Variants in SATB2 observed in about 807,000 individuals in gnomAD.
The protein encoded by SATB2 is SATB homeobox 2, also known as DNA-binding protein SATB2.
In SATB2, 1 loss-of-function variant was observed where a neutral mutation model predicts 73.4. The observed-to-expected ratio is 0.01, with a 90% CI of 0.00 to 0.06. SATB2 has a LOEUF of 0.06. SATB2 is among the 10% of genes least tolerant of loss of function. SATB2 has a pLI of 1.00. For missense variants in SATB2, 459 were observed against 945.8 expected, an observed-to-expected ratio of 0.49 and a Z score of 6.75; for synonymous variants, 397 against 367.0, an observed-to-expected ratio of 1.08 and a Z score of -0.93.
intron 10 of SATB2, among the ~76,000 whole-genome samples, chr2:199,300,970 A>T (rs779243509): frequency 6.6e-6 from 1 of 151,974 alleles, no homozygotes; most frequent in Non-Finnish European, 1.5e-5. Flanking sequence ...GCTTGGCAAA[A>T]ATATTAGAAC....
At chr2:199,452,975 CCT>C (rs1271605646) in intron 2 of SATB2, among the ~76,000 whole-genome samples, 2 of 152,060 alleles carry the variant, frequency 1.3e-5, no homozygotes, top group Non-Finnish European at 1.5e-5. Flanking sequence ...TTTTAAGTCC[CCT>C]GTTAAAACAC....
At chr2:199,411,468 T>G (rs572173003) in intron 3 of SATB2, among the ~76,000 whole-genome samples, 2 of 152,238 alleles carry the variant, frequency 1.3e-5, no homozygotes, top group Admixed American at 6.5e-5. Context: ...TATGAATACC[T>G]ACCATGTTCT....
intron 3 of SATB2, among the ~76,000 whole-genome samples, chr2:199,412,735 A>G (rs556004528): frequency 6.6e-6 from 1 of 152,294 alleles, no homozygotes; most frequent in South Asian, 2.1e-4. Context: ...AAAAAAACAA[A>G]AAACAAAAAA....
At chr2:199,409,413 T>C (rs1302195441) in intron 3 of SATB2, among the ~76,000 whole-genome samples, 1 of 152,074 alleles carries the variant, frequency 6.6e-6, no homozygotes. Flanking sequence ...CAGGTGATCC[T>C]CCCGCCTTGG....
At chr2:199,316,314 A>G (rs1407055874) in intron 9 of SATB2, among the ~76,000 whole-genome samples, 3 of 152,086 alleles carry the variant, frequency 2.0e-5, no homozygotes, top group Non-Finnish European at 4.4e-5. Context: ...CCTAATCAAG[A>G]AAACTGAAAT....
chr2:199,281,165 G>A (rs997135226), intron 10 of SATB2, among the ~76,000 whole-genome samples: 8 of 151,728 alleles, frequency 5.3e-5, no homozygotes, highest in Admixed American at 6.6e-5. Context: ...ACCCAGGAGC[G>A]GGAGGTTGCA....
At chr2:199,436,501 T>A (rs2105932515) in intron 2 of SATB2, among the ~76,000 whole-genome samples, 1 of 152,152 alleles carries the variant, frequency 6.6e-6, no homozygotes, top group African/African-American at 2.4e-5. Context: ...GGAACGTATG[T>A]ATGATAATAG....
intron 3 of SATB2, among the ~76,000 whole-genome samples, chr2:199,419,284 T>A (rs1419940571): frequency 6.6e-6 from 1 of 152,168 alleles, no homozygotes; most frequent in Non-Finnish European, 1.5e-5. Context: ...GAATCCTTAG[T>A]CAGTTTTACT....
chr2:199,349,480 C>T, intron 6 of SATB2, among the ~76,000 whole-genome samples: 1 of 152,100 alleles, frequency 6.6e-6, no homozygotes, highest in South Asian at 2.1e-4. Context: ...CTCTTAGATC[C>T]CCCAAGCTCT....
At chr2:199,364,665 A>G (rs1467415166) in intron 6 of SATB2, among the ~76,000 whole-genome samples, 1 of 152,162 alleles carries the variant, frequency 6.6e-6, no homozygotes, top group Non-Finnish European at 1.5e-5. Context: ...TAATTTTATA[A>G]TAACCACCTG....
chr2:199,328,577 G>T, intron 8 of SATB2, 121 bp downstream of exon 8: 1 of 692,384 alleles, frequency 1.4e-6, no homozygotes, highest in Non-Finnish European at 2.4e-6. Flanking sequence ...AATAAGAAAA[G>T]AAAAAAAGGA....
At chr2:199,393,849 C>T (rs1319904425) in intron 3 of SATB2, among the ~76,000 whole-genome samples, 1 of 151,890 alleles carries the variant, frequency 6.6e-6, no homozygotes, top group Non-Finnish European at 1.5e-5. Flanking sequence ...GAAGGTCTGC[C>T]AGTTGGTGAG....
chr2:199,408,615 TACA>T (rs1453307773), intron 3 of SATB2, among the ~76,000 whole-genome samples: 49 of 147,766 alleles, frequency 3.3e-4, no homozygotes, highest in Admixed American at 1.8e-3. Context: ...AACAACTTAA[TACA>T]ACATGAAAGG....
At chr2:199,458,512 C>T (rs1559068081), upstream of SATB2, 1 of 374,734 alleles carries the variant, frequency 2.7e-6, no homozygotes, top group Non-Finnish European at 5.2e-6. Flanking sequence ...AGGCGGGCAC[C>T]GGGGCCCAGG....
At chr2:199,434,862 G>A (rs913078114) in intron 2 of SATB2, among the ~76,000 whole-genome samples, 2 of 152,122 alleles carry the variant, frequency 1.3e-5, no homozygotes, top group African/African-American at 4.8e-5. Flanking sequence ...CTGGGTTACA[G>A]ATTGAGGTAT....
At chr2:199,330,122 T>C (rs985828067) in intron 7 of SATB2, among the ~76,000 whole-genome samples, 1 of 152,130 alleles carries the variant, frequency 6.6e-6, no homozygotes, top group Non-Finnish European at 1.5e-5. Context: ...GGAAACACTA[T>C]CAGATTTCTA....
chr2:199,287,939 G>C (rs898753827), intron 10 of SATB2, among the ~76,000 whole-genome samples: 5 of 152,040 alleles, frequency 3.3e-5, no homozygotes, highest in African/African-American at 1.2e-4. Flanking sequence ...CTGCTGTTTA[G>C]CTAGCTAATG....
At chr2:199,392,850 G>A (rs935032094) in intron 3 of SATB2, among the ~76,000 whole-genome samples, 1 of 152,306 alleles carries the variant, frequency 6.6e-6, no homozygotes, top group African/African-American at 2.4e-5. Flanking sequence ...ATAAACATAT[G>A]TTGGCATTAA....
At chr2:199,343,821 T>C (rs1027652398) in intron 7 of SATB2, among the ~76,000 whole-genome samples, 11 of 152,236 alleles carry the variant, frequency 7.2e-5, no homozygotes, top group African/African-American at 2.7e-4. Context: ...TGTTTCTTTC[T>C]AGGTGTAGCC....
Sources: allele counts gnomAD v4.1 joint callset (sites outside exome capture counted in the v4.1 genomes callset), GRCh38; gene constraint gnomAD v4.1.1; transcripts MANE v1.5; gene names NCBI Gene and HGNC (gene_info 2026-07-23, HGNC 2026-07-21).